Variants in ROR2 observed in about 807,000 individuals in gnomAD.
ROR2 encodes ROR family WNT receptor 2.
ROR2 carries 33 observed loss-of-function variants against 74.9 expected under a neutral mutation model. The ratio of observed to expected loss-of-function variants is 0.44; its 90% confidence interval spans 0.33 to 0.59. The LOEUF is 0.59. ROR2 is among the 20% of genes least tolerant of loss of function. ROR2 has a pLI of 0.02. For synonymous variants in ROR2, 586 were observed against 558.7 expected (o/e 1.05, Z -0.69); for missense variants, 1,216 against 1,313.8 (o/e 0.93, Z 1.15).
chr9:91,735,761 C>T (rs2118717868), intron 5 of ROR2, among the ~76,000 whole-genome samples: 1 of 151,742 alleles, frequency 6.6e-6, no homozygotes, highest in East Asian at 1.9e-4. Context: ...GGATTACAGG[C>T]ACCCGCCACC....
intron 1 of ROR2, among the ~76,000 whole-genome samples, chr9:91,804,157 C>G (rs1444720065): frequency 6.6e-6 from 1 of 152,124 alleles, no homozygotes; most frequent in African/African-American, 2.4e-5. Flanking sequence ...CAGAGCCAGG[C>G]CTGCCACACG....
chr9:91,783,081 A>G (rs10992100), intron 1 of ROR2, among the ~76,000 whole-genome samples: 50,921 of 151,876 alleles, frequency 0.34, 8,701 homozygotes, highest in Middle Eastern at 0.43. Context: ...CTGGCAGACC[A>G]TGGCTTCTCC....
At chr9:91,852,920 C>T (rs1412853251) in intron 1 of ROR2, among the ~76,000 whole-genome samples, 2 of 152,252 alleles carry the variant, frequency 1.3e-5, no homozygotes, top group South Asian at 2.1e-4. Flanking sequence ...GCACTGGACA[C>T]GGCTGCCCCT....
intron 1 of ROR2, among the ~76,000 whole-genome samples, chr9:91,875,428 G>A (rs1253509953): frequency 6.6e-6 from 1 of 152,188 alleles, no homozygotes; most frequent in African/African-American, 2.4e-5. Flanking sequence ...CTCATTTTAA[G>A]AGCCAGCAGA....
intron 1 of ROR2, among the ~76,000 whole-genome samples, chr9:91,806,278 T>A (rs1351300453): frequency 6.6e-6 from 1 of 152,184 alleles, no homozygotes; most frequent in Non-Finnish European, 1.5e-5. Flanking sequence ...TCATGTCTGA[T>A]GAGGGTCCAC....
rs35146225 is a variant in ROR2 at position 91,735,606 on chromosome 9, CTTTTTTTTTTTTTTTTTTT to C, written c.622+1766_622+1784del. On this transcript the variant is annotated intron_variant, in intron 5 of 8. Coordinates refer to ENST00000375708, the MANE Select transcript of ROR2 (RefSeq NM_004560.4). ...GCACGGTTCCTACTAAGGGCTCTAA[CTTTTTTTTTTTTTTTTTTT>C]TTTTTTTTTTTTTTTTTTGAGACAG... 8.2e-4 allele frequency among the ~76,000 whole-genome samples: 65 copies of C among 79,010 alleles called. 1 individual carries two copies. The highest frequency in any genetic ancestry group is 3.5e-3 in the East Asian group (7 of 2,002). The allele number at this position is 79,010 out of a possible 152,430, so 51.8% of individuals were successfully genotyped here.
chr9:91,804,354 A>G (rs943742201), intron 1 of ROR2, among the ~76,000 whole-genome samples: 1 of 152,198 alleles, frequency 6.6e-6, no homozygotes, highest in African/African-American at 2.4e-5. Context: ...AAGCTATTGT[A>G]GCAGTGCGTG....
intron 4 of ROR2, chr9:91,755,834 C>A (rs1825731951): frequency 1.7e-6 from 1 of 605,754 alleles, no homozygotes; most frequent in East Asian, 2.8e-5. Context: ...TGTAAGGTCA[C>A]AATCACAGAA....
At chr9:91,782,627 A>AGTGTAT (rs139561969) in intron 1 of ROR2, among the ~76,000 whole-genome samples, 1 of 149,214 alleles carries the variant, frequency 6.7e-6, no homozygotes, top group African/African-American at 2.5e-5. Flanking sequence ...GTTTTAAGAA[A>AGTGTAT]GAAGTTGTGT....
chr9:91,945,330 T>C (rs1257515447), intron 1 of ROR2, among the ~76,000 whole-genome samples: 1 of 152,194 alleles, frequency 6.6e-6, no homozygotes, highest in Non-Finnish European at 1.5e-5. Flanking sequence ...GGCCTAAACA[T>C]TTCCTTATTT....
At chr9:91,949,841 G>T in intron 1 of ROR2, 26 bp downstream of exon 1, 2 of 1,423,814 alleles carry the variant, frequency 1.4e-6, no homozygotes, top group Non-Finnish European at 1.9e-6. Context: ...TACCGTCTGC[G>T]CACAAGCCGG....
intron 1 of ROR2, among the ~76,000 whole-genome samples, chr9:91,806,346 G>A (rs187458941): frequency 6.6e-6 from 1 of 152,262 alleles, no homozygotes; most frequent in African/African-American, 2.4e-5. Context: ...AAGGAGAAAG[G>A]GGTCTCTCTG....
At chr9:91,848,627 G>A (rs1361507666) in intron 1 of ROR2, among the ~76,000 whole-genome samples, 2 of 152,128 alleles carry the variant, frequency 1.3e-5, no homozygotes, top group African/African-American at 4.8e-5. Context: ...GGTGGTGCAT[G>A]CCCATAATCC....
chr9:91,842,938 A>G (rs888453613), intron 1 of ROR2, among the ~76,000 whole-genome samples: 2 of 152,226 alleles, frequency 1.3e-5, no homozygotes, highest in African/African-American at 4.8e-5. Context: ...GATGCTCCCA[A>G]TTGAGAGCTG....
At chr9:91,858,344 C>T (rs1401758697) in intron 1 of ROR2, among the ~76,000 whole-genome samples, 5 of 152,172 alleles carry the variant, frequency 3.3e-5, no homozygotes, top group South Asian at 2.1e-4. Flanking sequence ...CAGGCACCTG[C>T]GTGCACACAG....
chr9:91,800,425 A>G (rs535788668), intron 1 of ROR2, among the ~76,000 whole-genome samples: 25 of 152,074 alleles, frequency 1.6e-4, no homozygotes, highest in Non-Finnish European at 3.4e-4. Context: ...ACTGTTGGCC[A>G]GCACCTCTCT....
intron 1 of ROR2, among the ~76,000 whole-genome samples, chr9:91,878,990 C>G (rs536341173): frequency 1.1e-3 from 161 of 151,840 alleles, no homozygotes; most frequent in African/African-American, 3.7e-3. Context: ...TGCAGTGAGC[C>G]GAGATCGCGC....
chr9:91,803,565 A>G (rs1234348085), intron 1 of ROR2, among the ~76,000 whole-genome samples: 1 of 151,766 alleles, frequency 6.6e-6, no homozygotes, highest in African/African-American at 2.4e-5. Context: ...AAAACCATGC[A>G]AACTATGAGA....
intron 5 of ROR2, among the ~76,000 whole-genome samples, chr9:91,737,070 G>A (rs961317020): frequency 6.6e-6 from 1 of 152,224 alleles, no homozygotes; most frequent in African/African-American, 2.4e-5. Context: ...CAGTGTGGCA[G>A]GCCCGGGGCA....
Sources: allele counts gnomAD v4.1 joint callset (sites outside exome capture counted in the v4.1 genomes callset), GRCh38; gene constraint gnomAD v4.1.1; transcripts MANE v1.5; gene names NCBI Gene and HGNC (gene_info 2026-07-23, HGNC 2026-07-21).